GRM7: variants seen among roughly 807,000 people sequenced by gnomAD.
GRM7 encodes the protein metabotropic glutamate receptor 7.
A neutral mutation model predicts 84.5 loss-of-function variants in GRM7; 35 were observed. The observed-to-expected ratio is 0.41, with a 90% CI of 0.32 to 0.55. GRM7 has a LOEUF of 0.55. Among genes scored for constraint, GRM7 ranks in the 20% least tolerant of loss-of-function variants. The pLI, the probability that GRM7 is intolerant of heterozygous loss-of-function variation, is 0.19. For missense variants in GRM7, 1,003 were observed against 1,194.6 expected, an observed-to-expected ratio of 0.84 and a Z score of 2.36; for synonymous variants, 487 against 455.1, an observed-to-expected ratio of 1.07 and a Z score of -0.89.
intron 8 of GRM7, among the ~76,000 whole-genome samples, chr3:7,665,472 G>A (rs757570634): frequency 1.3e-5 from 2 of 151,960 alleles, no homozygotes; most frequent in Non-Finnish European, 2.9e-5. Flanking sequence ...ACCGCGCCCG[G>A]CCTTGCCCAT....
chr3:7,317,568 T>C (rs975760001), intron 4 of GRM7, among the ~76,000 whole-genome samples: 2 of 152,072 alleles, frequency 1.3e-5, no homozygotes, highest in East Asian at 1.9e-4. Context: ...TTGCTAAGAA[T>C]AGAGAAAACA....
chr3:7,274,242 A>G (rs1485619173), intron 2 of GRM7, among the ~76,000 whole-genome samples: 2 of 152,084 alleles, frequency 1.3e-5, no homozygotes, highest in African/African-American at 2.4e-5. Flanking sequence ...ATAAATAAAC[A>G]TTTGAATACA....
At chr3:7,583,023 C>T (rs1406893930) in intron 8 of GRM7, among the ~76,000 whole-genome samples, 2 of 152,138 alleles carry the variant, frequency 1.3e-5, no homozygotes, top group Non-Finnish European at 2.9e-5. Flanking sequence ...AACTTCAGAA[C>T]CTTTGGGAAT....
intron 4 of GRM7, among the ~76,000 whole-genome samples, chr3:7,337,197 G>C (rs1272466060): frequency 2.0e-5 from 3 of 152,068 alleles, no homozygotes; most frequent in African/African-American, 7.2e-5. Context: ...AATGGTGCTG[G>C]GATAATTGGC....
intron 2 of GRM7, among the ~76,000 whole-genome samples, chr3:7,284,770 G>A (rs1259764284): frequency 6.6e-6 from 1 of 151,588 alleles, no homozygotes; most frequent in Non-Finnish European, 1.5e-5. Flanking sequence ...GTTTACTTAG[G>A]GGCATACTAT....
chr3:6,938,332 G>A (rs139756552), intron 1 of GRM7, among the ~76,000 whole-genome samples: 8 of 152,226 alleles, frequency 5.3e-5, no homozygotes, highest in African/African-American at 1.9e-4. Flanking sequence ...TCTACCATGT[G>A]GCTTTCCAGA....
intron 1 of GRM7, among the ~76,000 whole-genome samples, chr3:7,066,577 A>T (rs1204836618): frequency 6.6e-6 from 1 of 151,980 alleles, no homozygotes; most frequent in Non-Finnish European, 1.5e-5. Context: ...ATGGATTCAC[A>T]GCAGCATTCT....
chr3:7,736,960 C>T (rs1400321860), intron 9 of GRM7, among the ~76,000 whole-genome samples: 1 of 152,048 alleles, frequency 6.6e-6, no homozygotes, highest in Non-Finnish European at 1.5e-5. Flanking sequence ...GGGGTGGCAA[C>T]AGGAAAGAGT....
intron 2 of GRM7, among the ~76,000 whole-genome samples, chr3:7,180,705 C>G (rs903794586): frequency 6.6e-6 from 1 of 152,160 alleles, no homozygotes; most frequent in Non-Finnish European, 1.5e-5. Flanking sequence ...CATCTTTCCT[C>G]TCTCTTAAGT....
intron 4 of GRM7, among the ~76,000 whole-genome samples, chr3:7,307,099 A>G (rs1020094122): frequency 1.3e-5 from 2 of 151,426 alleles, no homozygotes; most frequent in South Asian, 4.2e-4. Context: ...GGAGGCTGTA[A>G]TACAGCACAC....
chr3:7,549,793 C>A (rs945137991), intron 7 of GRM7, among the ~76,000 whole-genome samples: 1 of 152,190 alleles, frequency 6.6e-6, no homozygotes, highest in Admixed American at 6.5e-5. Flanking sequence ...GACAAACTTT[C>A]CCAATTCTGA....
intron 9 of GRM7, among the ~76,000 whole-genome samples, chr3:7,738,541 T>C (rs899832872): frequency 6.6e-6 from 1 of 152,202 alleles, no homozygotes; most frequent in Non-Finnish European, 1.5e-5. Flanking sequence ...GGGGATCATA[T>C]TTTCTAACCT....
intron 1 of GRM7, among the ~76,000 whole-genome samples, chr3:6,913,746 G>A (rs1696851671): frequency 6.6e-6 from 1 of 152,030 alleles, no homozygotes; most frequent in Admixed American, 6.6e-5. Context: ...AGTAGGTATG[G>A]GTTGTTTGCA....
At chr3:7,503,068 G>T (rs1260133214) in intron 7 of GRM7, among the ~76,000 whole-genome samples, 1 of 152,074 alleles carries the variant, frequency 6.6e-6, no homozygotes. Context: ...TCACTATACT[G>T]TGTCTACTTA....
intron 9 of GRM7, among the ~76,000 whole-genome samples, chr3:7,721,783 C>T (rs775173659): frequency 3.3e-5 from 5 of 152,128 alleles, no homozygotes; most frequent in Admixed American, 6.6e-5. Flanking sequence ...GCAAGACTAG[C>T]GGGGCCATTG....
Position 6,863,214 on chromosome 3 carries a change from C to T in GRM7, c.519+1307C>T, listed in dbSNP as rs1426179756. 6.6e-6 allele frequency among the ~76,000 whole-genome samples: 1 copy of T among 151,948 alleles called. No individual in the cohort carries two copies. Among genetic ancestry groups the T allele is most frequent in the African/African-American group, 2.4e-5 (1 of 41,370 alleles). On this transcript the variant is annotated intron_variant, in intron 1 of 9. Coordinates refer to ENST00000357716, the MANE Select transcript of GRM7 (RefSeq NM_000844.4). The surrounding 1 kb of genome is among the most constrained non-coding windows in gnomAD (Gnocchi z 4.8). ...CACTCCCAAGTTCTTGGTTCATCTC[C>T]GTATTAAAATGACCCTTTTCCAGTG...
At chr3:7,072,078 C>G (rs1048389615) in intron 1 of GRM7, among the ~76,000 whole-genome samples, 1 of 151,958 alleles carries the variant, frequency 6.6e-6, no homozygotes, top group Non-Finnish European at 1.5e-5. Context: ...TAGCATTTCT[C>G]CCCCTGGTAG....
chr3:7,567,521 G>T (rs1186213181), intron 7 of GRM7, among the ~76,000 whole-genome samples: 1 of 152,046 alleles, frequency 6.6e-6, no homozygotes, highest in Non-Finnish European at 1.5e-5. Flanking sequence ...GCCAAGGTGG[G>T]TGGATTGCAT....
chr3:7,696,540 T>C (rs1303097038), intron 9 of GRM7, among the ~76,000 whole-genome samples: 1 of 152,158 alleles, frequency 6.6e-6, no homozygotes, highest in Non-Finnish European at 1.5e-5. Context: ...AAAAGCCAAA[T>C]TAAATATTCA....
Sources: allele counts gnomAD v4.1 joint callset (sites outside exome capture counted in the v4.1 genomes callset), GRCh38; gene constraint gnomAD v4.1.1; non-coding constraint Gnocchi (gnomAD v3.1); transcripts MANE v1.5; gene names NCBI Gene and HGNC (gene_info 2026-07-23, HGNC 2026-07-21).